The following VAV1 variants were observed in gnomAD, a reference collection of about 807,000 sequenced individuals.
VAV1 encodes proto-oncogene vav.
In VAV1, 33 loss-of-function variants were observed where a neutral mutation model predicts 128.1. The ratio of observed to expected loss-of-function variants is 0.26; its 90% CI spans 0.20 to 0.34. VAV1 has a LOEUF of 0.34. Among genes scored for constraint, VAV1 ranks in the 10% least tolerant of loss-of-function variants. VAV1 has a pLI of 1.00. For missense variants in VAV1, 715 were observed against 1,093.7 expected (o/e 0.65, Z 4.88); for synonymous variants, 394 against 409.8 (o/e 0.96, Z 0.47).
intron 1 of VAV1, among the ~76,000 whole-genome samples, chr19:6,818,499 C>T (rs1971711763): frequency 6.6e-6 from 1 of 152,180 alleles, no homozygotes; most frequent in African/African-American, 2.4e-5. Context: ...TGCCTCAGGA[C>T]CATTGCATGC....
chr19:6,784,596 C>T (rs536293985), intron 1 of VAV1, among the ~76,000 whole-genome samples: 4 of 151,382 alleles, frequency 2.6e-5, no homozygotes, highest in African/African-American at 9.7e-5. Context: ...CGGGTTCAAG[C>T]GATTCTCCTG....
At chr19:6,799,844 C>CAAAAAAAAAAAAAAAAA (rs60826995) in intron 1 of VAV1, among the ~76,000 whole-genome samples, 1 of 48,950 alleles carries the variant, frequency 2.0e-5, no homozygotes, top group Non-Finnish European at 4.6e-5. Flanking sequence ...GAGACTGTCT[C>CAAAAAAAAAAAAAAAAA]AAAAAAAAAA....
At chr19:6,805,757 T>C in intron 1 of VAV1, among the ~76,000 whole-genome samples, 1 of 151,756 alleles carries the variant, frequency 6.6e-6, no homozygotes, top group Non-Finnish European at 1.5e-5. Context: ...TGTATATATA[T>C]ATGCACACAC....
chr19:6,774,921 A>ATTTTTTT (rs61404391), intron 1 of VAV1, among the ~76,000 whole-genome samples: 1 of 137,354 alleles, frequency 7.3e-6, no homozygotes. Flanking sequence ...TGCCTGCCTA[A>ATTTTTTT]TTTTTTTTTT....
intron 1 of VAV1, among the ~76,000 whole-genome samples, chr19:6,797,578 C>G (rs1971165435): frequency 1.3e-5 from 2 of 151,902 alleles, no homozygotes; most frequent in Non-Finnish European, 2.9e-5. Flanking sequence ...TGACGCATGC[C>G]TGTAATCCCA....
chr19:6,832,221 C>G, intron 15 of VAV1, 21 bp downstream of exon 15: 1 of 1,611,058 alleles, frequency 6.2e-7, no homozygotes, highest in Non-Finnish European at 8.5e-7. Context: ...GTCTTCCTCC[C>G]TCTTTCTGTC....
At position 6,850,773 on chromosome 19, in the gene VAV1, C is replaced by T. The variant is rs780011460; in HGVS notation, c.2217+16C>T. The T allele has an allele frequency of 7.4e-6, 12 of 1,612,834 alleles. No individual in the cohort carries two copies. Among genetic ancestry groups the T allele is most frequent in the African/African-American group, 5.3e-5 (4 of 74,848 alleles). On this transcript the variant is annotated intron_variant, in intron 24 of 26. Transcript: ENST00000602142. ...GGGGCTTACGGTAAGGGTCAATGTC[C>T]GCTCAATCCCAGCTTTCCAGAACCT...
At chr19:6,787,862 G>A (rs139448507) in intron 1 of VAV1, among the ~76,000 whole-genome samples, 4,820 of 152,032 alleles carry the variant, frequency 0.032, 252 homozygotes, top group African/African-American at 0.11. Context: ...GGATCACGAG[G>A]TCAGGAGATC....
At chr19:6,838,842 C>T (rs1599672722) in intron 21 of VAV1, among the ~76,000 whole-genome samples, 1 of 151,236 alleles carries the variant, frequency 6.6e-6, no homozygotes, top group African/African-American at 2.4e-5. Context: ...AATCCTCCCA[C>T]CTCACCCTCC....
At chr19:6,845,036 A>T in intron 22 of VAV1, among the ~76,000 whole-genome samples, 1 of 152,146 alleles carries the variant, frequency 6.6e-6, no homozygotes, top group Non-Finnish European at 1.5e-5. Flanking sequence ...TTCATTAAAA[A>T]AAGATGTTAA....
intron 25 of VAV1, among the ~76,000 whole-genome samples, chr19:6,853,402 A>AAAAAAT (rs1972714860): frequency 6.6e-6 from 1 of 151,900 alleles, no homozygotes; most frequent in African/African-American, 2.4e-5. Flanking sequence ...CCTCAAAATA[A>AAAAAAT]AAAAATAAAA....
At chr19:6,812,921 T>C (rs1971543676) in intron 1 of VAV1, among the ~76,000 whole-genome samples, 1 of 152,148 alleles carries the variant, frequency 6.6e-6, no homozygotes, top group South Asian at 2.1e-4. Context: ...ATAATGATAA[T>C]TTCCAGAACT....
intron 1 of VAV1, among the ~76,000 whole-genome samples, chr19:6,794,645 A>G (rs1971091077): frequency 6.6e-6 from 1 of 152,182 alleles, no homozygotes; most frequent in South Asian, 2.1e-4. Flanking sequence ...CACTATGTTC[A>G]GGTGTTGTTC....
chr19:6,816,247 C>T (rs1971645656), intron 1 of VAV1, among the ~76,000 whole-genome samples: 2 of 152,022 alleles, frequency 1.3e-5, no homozygotes, highest in Admixed American at 1.3e-4. Context: ...GTCTCGATCT[C>T]CTGACTTCAT....
Position 6,826,750 on chromosome 19 carries a change from C to T in VAV1, c.927+39C>T, listed in dbSNP as rs1171365970. 1.4e-6 allele frequency: 2 copies of T among 1,476,244 alleles called. No homozygotes were observed. Among genetic ancestry groups the T allele is most frequent in the South Asian group, 1.2e-5 (1 of 82,750 alleles). 91.4% of individuals were successfully genotyped at this position (1,476,244 alleles called of 1,614,324 possible). On this transcript the variant is annotated intron_variant, in intron 9 of 26. Coordinates refer to ENST00000602142, the MANE Select transcript of VAV1 (RefSeq NM_005428.4). This position sits in a 1 kb window ranked among gnomAD's most constrained non-coding sequence, Gnocchi z 4.1. Reference sequence around the variant, plus strand: ...CACTTCTCGGGGGCCTCTCCCGCTCCTCCCCAGGCCCTGGGGGCAGCAGGG... The same window carrying T: ...CACTTCTCGGGGGCCTCTCCCGCTCTTCCCCAGGCCCTGGGGGCAGCAGGG...
chr19:6,778,883 T>A (rs1440370790), intron 1 of VAV1, among the ~76,000 whole-genome samples: 2 of 151,792 alleles, frequency 1.3e-5, no homozygotes, highest in Non-Finnish European at 1.5e-5. Flanking sequence ...ACTTTTTTTT[T>A]TTTTTTCTTA....
chr19:6,788,146 C>G (rs1334022449), intron 1 of VAV1, among the ~76,000 whole-genome samples: 1 of 151,892 alleles, frequency 6.6e-6, no homozygotes, highest in Non-Finnish European at 1.5e-5. Flanking sequence ...GTTGCTCAGG[C>G]TGATATGGAA....
At chr19:6,782,930 C>G (rs1036767969) in intron 1 of VAV1, among the ~76,000 whole-genome samples, 2 of 151,656 alleles carry the variant, frequency 1.3e-5, no homozygotes, top group East Asian at 1.9e-4. Flanking sequence ...GCCTGTAATC[C>G]CAGCACCTTG....
chr19:6,834,031 A>G, intron 19 of VAV1, 78 bp downstream of exon 19: 1 of 1,600,170 alleles, frequency 6.2e-7, no homozygotes. Context: ...ACAGATCTCC[A>G]TAATCATATT....
Sources: allele counts gnomAD v4.1 joint callset (sites outside exome capture counted in the v4.1 genomes callset), GRCh38; gene constraint gnomAD v4.1.1; non-coding constraint Gnocchi (gnomAD v3.1); transcripts MANE v1.5; gene names NCBI Gene and HGNC (gene_info 2026-07-23, HGNC 2026-07-21).